MPC1: variants seen among roughly 807,000 people sequenced by gnomAD.
MPC1 encodes mitochondrial pyruvate carrier 1.
MPC1 carries 6 observed loss-of-function variants against 13.9 expected under a neutral mutation model. That is an observed-to-expected ratio of 0.43 (90% CI 0.24 to 0.85). The LOEUF is 0.85. Among genes scored for constraint, MPC1 ranks in the 40% least tolerant of loss-of-function variants. The pLI, the probability that MPC1 is intolerant of heterozygous loss-of-function variation, is 0.24. For missense variants in MPC1, 115 were observed against 143.3 expected, an observed-to-expected ratio of 0.80 and a Z score of 1.01; for synonymous variants, 47 against 50.5, an observed-to-expected ratio of 0.93 and a Z score of 0.29.
intron 1 of MPC1, 83 bp from the exon 2 acceptor site, chr6:166,370,304 T>G: frequency 1.5e-6 from 1 of 684,958 alleles, no homozygotes; most frequent in Non-Finnish European, 2.7e-6. Context: ...TTGGTCTTAT[T>G]AGGTTACTGC....
chr6:166,375,798 C>T (rs1227672063), intron 1 of MPC1, among the ~76,000 whole-genome samples: 3 of 152,078 alleles, frequency 2.0e-5, no homozygotes, highest in Admixed American at 1.3e-4. Context: ...TTCTATTCGC[C>T]AGAATATAAT....
chr6:166,366,901 AT>A lies in MPC1; in HGVS notation c.76-11del. The A allele has an allele frequency of 6.2e-7, 1 of 1,613,986 alleles. No individual in the cohort carries two copies. The highest frequency in any genetic ancestry group is 8.5e-7 in the Non-Finnish European group (1 of 1,179,834). On this transcript the variant is annotated splice_polypyrimidine_tract_variant and intron_variant, in intron 2 of 4. Coordinates refer to ENST00000360961, the MANE Select transcript of MPC1 (RefSeq NM_016098.4). ...CTGGGCCCCAGAAGTGCTACAAAAA[AT>A]GAGAGGAAAAGAATGAAGAGAGGAA...
At chr6:166,379,973 C>T (rs1191350542) in intron 1 of MPC1, among the ~76,000 whole-genome samples, 1 of 152,196 alleles carries the variant, frequency 6.6e-6, no homozygotes, top group African/African-American at 2.4e-5. Flanking sequence ...TGATACCTGA[C>T]CTCAAACTGG....
At chr6:166,377,350 G>A (rs536268967) in intron 1 of MPC1, among the ~76,000 whole-genome samples, 4 of 152,220 alleles carry the variant, frequency 2.6e-5, no homozygotes, top group African/African-American at 9.6e-5. Flanking sequence ...ACACCTTGTA[G>A]GGCTGCTGGG....
chr6:166,374,344 A>G (rs1779495439), intron 1 of MPC1, among the ~76,000 whole-genome samples: 1 of 152,168 alleles, frequency 6.6e-6, no homozygotes, highest in Non-Finnish European at 1.5e-5. Context: ...GTCCTTTATC[A>G]GTTATGTCCT....
chr6:166,381,684 A>G (rs905750628), intron 1 of MPC1: 2 of 320,080 alleles, frequency 6.2e-6, no homozygotes, highest in East Asian at 1.7e-4. Context: ...TAAATTATAG[A>G]AAGTGTATTT....
chr6:166,377,440 G>T (rs904434274), intron 1 of MPC1, among the ~76,000 whole-genome samples: 2 of 152,146 alleles, frequency 1.3e-5, no homozygotes, highest in African/African-American at 4.8e-5. Flanking sequence ...GAGCAGAGGA[G>T]CTGCTTTTAG....
chr6:166,368,926 G>T, intron 2 of MPC1: 1 of 985,410 alleles, frequency 1.0e-6, no homozygotes, highest in Non-Finnish European at 1.2e-6. Flanking sequence ...TATCATGCAT[G>T]AACCCAGGGC....
chr6:166,370,079 A>G lies in MPC1; in HGVS notation c.75+139T>C, dbSNP rs1779318349. On this transcript the variant is annotated intron_variant, in intron 2 of 4. Coordinates refer to ENST00000360961, the MANE Select transcript of MPC1 (RefSeq NM_016098.4). ...GGCTCCCCAGGACAGGCCAGGGTGC[A>G]GTAGGCACCCTTCACAACCTGCCAG... The G allele has an allele frequency of 4.0e-6, 3 of 744,506 alleles. No homozygotes were observed. The African/African-American group carries it at 5.1e-5, about 13-fold the overall frequency. The allele number at this position is 744,506 out of a possible 1,614,324, so 46.1% of individuals were successfully genotyped here. A position where few individuals can be genotyped will look rare whatever the true frequency, so the allele number is the denominator to read the frequency against.
chr6:166,375,975 G>C (rs1583068636), intron 1 of MPC1, among the ~76,000 whole-genome samples: 1 of 152,084 alleles, frequency 6.6e-6, no homozygotes, highest in Non-Finnish European at 1.5e-5. Context: ...TGATGGAGGG[G>C]TGAAATCTCC....
chr6:166,378,588 A>C (rs1048991904), intron 1 of MPC1, among the ~76,000 whole-genome samples: 5 of 152,230 alleles, frequency 3.3e-5, no homozygotes, highest in African/African-American at 9.6e-5. Flanking sequence ...ATTCTTCTTA[A>C]CCAGAAATCC....
At position 166,365,331 on chromosome 6, in the gene MPC1, G is replaced by C; in HGVS notation, c.*98C>G. On this transcript the variant is annotated 3_prime_UTR_variant, in exon 5 of 5. Transcript: ENST00000360961. This position sits in a 1 kb window ranked among gnomAD's most constrained non-coding sequence, Gnocchi z 4.2. ...GAATGGTTAGTAAAAATAGCATTCA[G>C]TGTATTTTCCTTAGGGAGGCTATTT... The C allele has an allele frequency of 1.0e-6, 1 of 1,002,360 alleles. No individual in the cohort carries two copies. Among genetic ancestry groups the C allele is most frequent in the Non-Finnish European group, 1.4e-6 (1 of 726,384 alleles). 62.1% of individuals were successfully genotyped at this position (1,002,360 alleles called of 1,614,324 possible). A position where few individuals can be genotyped will look rare whatever the true frequency, so the allele number is the denominator to read the frequency against.
intron 1 of MPC1, among the ~76,000 whole-genome samples, chr6:166,380,887 CA>C (rs1057309466): frequency 1.7e-5 from 2 of 119,536 alleles, no homozygotes; most frequent in Non-Finnish European, 3.2e-5. Context: ...TTGGATGAGC[CA>C]AAATAGTGCC....
intron 2 of MPC1, chr6:166,369,023 AGG>A: frequency 2.5e-6 from 2 of 791,136 alleles, no homozygotes; most frequent in Non-Finnish European, 3.1e-6. Context: ...CTTCTTTCAT[AGG>A]TGGGGCTAAA....
intron 1 of MPC1, among the ~76,000 whole-genome samples, chr6:166,376,386 C>T (rs752950577): frequency 9.9e-5 from 15 of 152,084 alleles, no homozygotes; most frequent in Non-Finnish European, 4.4e-5. Flanking sequence ...AGTCCAAAAG[C>T]CCAAGAACCT....
At position 166,365,527 on chromosome 6, in the gene MPC1, T is replaced by G; in HGVS notation, c.306-74A>C. 10 of 1,203,138 alleles carry G rather than the reference T, an allele frequency of 8.3e-6. No individual in the cohort carries two copies. Among genetic ancestry groups the G allele is most frequent in the Non-Finnish European group, 1.2e-5 (10 of 865,208 alleles). The allele number at this position is 1,203,138 out of a possible 1,614,324, so 74.5% of individuals were successfully genotyped here. On this transcript the variant is annotated intron_variant, in intron 4 of 4. Coordinates refer to ENST00000360961, the MANE Select transcript of MPC1 (RefSeq NM_016098.4). This position sits in a 1 kb window ranked among gnomAD's most constrained non-coding sequence, Gnocchi z 4.2. ...CCAATCGCAAGGGCTTTGGATGGCT[T>G]TTAAAAGACACCTTTACATAACATT... is the stretch of plus-strand genomic sequence containing the variant.
Position 166,367,126 on chromosome 6 carries a change from G to A in MPC1, c.76-235C>T, listed in dbSNP as rs149799643. ...CTGAGCCCAGAGCTAGAAAGGGTTT[G>A]GCAGCTTCCCAAGGTCCCTACTGGT... is the stretch of plus-strand genomic sequence containing the variant. On this transcript the variant is annotated intron_variant, in intron 2 of 4. Transcript: ENST00000360961. 2.2e-5 allele frequency: 30 copies of A among 1,345,192 alleles called. No homozygotes were observed. In the African/African-American group the frequency reaches 4.3e-4, roughly 19 times the overall value. The allele number at this position is 1,345,192 out of a possible 1,614,324, so 83.3% of individuals were successfully genotyped here.
At chr6:166,382,116 G>A (rs1467463012) in intron 1 of MPC1, among the ~76,000 whole-genome samples, 4 of 152,272 alleles carry the variant, frequency 2.6e-5, no homozygotes, top group Non-Finnish European at 4.4e-5. Flanking sequence ...CCCGCCCGGA[G>A]GAGCGAGCCA....
At chr6:166,379,139 G>T (rs1779673148) in intron 1 of MPC1, among the ~76,000 whole-genome samples, 1 of 152,084 alleles carries the variant, frequency 6.6e-6, no homozygotes, top group Non-Finnish European at 1.5e-5. Flanking sequence ...GTTCTTAGGT[G>T]TCCTAAGTGA....
Sources: allele counts gnomAD v4.1 joint callset (sites outside exome capture counted in the v4.1 genomes callset), GRCh38; gene constraint gnomAD v4.1.1; non-coding constraint Gnocchi (gnomAD v3.1); transcripts MANE v1.5; gene names NCBI Gene and HGNC (gene_info 2026-07-23, HGNC 2026-07-21).